The following GLI3 variants were observed in gnomAD, a reference collection of about 807,000 sequenced individuals.
GLI3 encodes transcription activator GLI3.
Under a neutral mutation model 100.8 loss-of-function variants are expected in GLI3, and 20 were observed. The ratio of observed to expected loss-of-function variants is 0.20; its 90% CI spans 0.14 to 0.29. GLI3 has a LOEUF of 0.29. GLI3 is among the 10% of genes least tolerant of loss of function. The probability of loss-of-function intolerance (pLI) is 1.00; values close to 1 mark genes in which losing one functional copy is unlikely to be tolerated. For missense variants in GLI3, 2,040 were observed against 2,128.5 expected (o/e 0.96, Z 0.82); for synonymous variants, 938 against 860.5 (o/e 1.09, Z -1.58).
Position 42,048,583 on chromosome 7 carries a change from T to C in GLI3, c.587A>G (p.Tyr196Cys), listed in dbSNP as rs1243813680. Reference sequence around the variant, plus strand: ...GATATAGTCCATGTAGGGATTAATGTAGGGATGTGGAGGGCTGAAGGGAGA... The same window carrying C: ...GATATAGTCCATGTAGGGATTAATGCAGGGATGTGGAGGGCTGAAGGGAGA... ...SESPFSPPHP[Y>C]INPYMDYIRS... Residue 196 changes from tyrosine (Y) to cysteine (C), a missense_variant, in exon 5 of 15, where the codon TAC (tyrosine) becomes TGC (cysteine). Tyr to Cys is a radical substitution (Grantham distance 194). Transcript: ENST00000395925. The C allele has an allele frequency of 1.9e-6, 3 of 1,611,600 alleles. No individual in the cohort carries two copies. Among genetic ancestry groups the C allele is most frequent in the South Asian group, 2.2e-5 (2 of 90,912 alleles).
chr7:41,977,537 A>G lies in GLI3; in HGVS notation c.1812+21T>C, dbSNP rs1271864422. On this transcript the variant is annotated intron_variant, in intron 12 of 14. Transcript: ENST00000395925. ...TTCTTTGTTTCCTTATGCAAGCTCC[A>G]TGCCCACTGAGGATGCTTACCTCAT... is the stretch of plus-strand genomic sequence containing the variant. 2.5e-6 allele frequency: 4 copies of G among 1,612,152 alleles called. No individual in the cohort carries two copies. The East Asian group carries it at 6.7e-5, about 27-fold the overall frequency.
At chr7:41,969,129 T>C (rs1272896786) in intron 13 of GLI3, among the ~76,000 whole-genome samples, 1 of 152,186 alleles carries the variant, frequency 6.6e-6, no homozygotes, top group African/African-American at 2.4e-5. Context: ...GGTGTCCTGG[T>C]TGATAAACAG....
chr7:42,241,333 C>T (rs2128708932), upstream of GLI3, among the ~76,000 whole-genome samples: 1 of 152,278 alleles, frequency 6.6e-6, no homozygotes, highest in East Asian at 1.9e-4. Context: ...CCGATATTCC[C>T]CTTGGCCAGG....
intron 3 of GLI3, among the ~76,000 whole-genome samples, chr7:42,136,535 T>A (rs1452696564): frequency 6.6e-6 from 1 of 152,158 alleles, no homozygotes; most frequent in Non-Finnish European, 1.5e-5. Context: ...AACTCTTACA[T>A]CCTCCAAAAC....
rs7803340 is a variant in GLI3 at position 42,256,267 on chromosome 7, A to G, written c.-43+7727T>C. On this transcript the variant is annotated intron_variant, in intron 1 of 2. Transcript: ENST00000678978. The stretch of plus-strand genomic sequence containing the variant: ...CCTTGTCTTTTTTATCAGTTGAAGC[A>G]CAAAAGTTTTTAATGTTGATGAAGT... Among the ~76,000 whole-genome samples, 47 of 152,082 alleles carry G rather than the reference A, an allele frequency of 3.1e-4. 1 individual carries two copies. The highest frequency in any genetic ancestry group is 1.0e-3 in the African/African-American group (43 of 41,500).
At chr7:42,145,120 A>G (rs949248280) in intron 3 of GLI3, among the ~76,000 whole-genome samples, 10 of 152,216 alleles carry the variant, frequency 6.6e-5, no homozygotes, top group Non-Finnish European at 1.5e-4. Flanking sequence ...CACATCAATC[A>G]TTAGCTTTGC....
chr7:42,127,759 A>G (rs1786169353), intron 3 of GLI3, among the ~76,000 whole-genome samples: 1 of 152,242 alleles, frequency 6.6e-6, no homozygotes, highest in Non-Finnish European at 1.5e-5. Flanking sequence ...CTGTAATCCC[A>G]GCACTTTGGG....
chr7:42,001,234 C>A (rs141484148), intron 10 of GLI3, among the ~76,000 whole-genome samples: 2 of 65,690 alleles, frequency 3.0e-5, no homozygotes, highest in African/African-American at 1.1e-4. Flanking sequence ...GAGACTATGT[C>A]TCAAAAAAAA....
At chr7:42,248,034 G>A (rs6463097) in intron 1 of GLI3, among the ~76,000 whole-genome samples, 6 of 151,908 alleles carry the variant, frequency 3.9e-5, no homozygotes, top group African/African-American at 1.5e-4. Context: ...TATTTGGATC[G>A]GTATGTCAAT....
intron 10 of GLI3, among the ~76,000 whole-genome samples, chr7:41,991,110 A>G (rs1021033565): frequency 2.6e-5 from 4 of 152,218 alleles, no homozygotes; most frequent in Admixed American, 6.5e-5. Flanking sequence ...GCAAGACAGA[A>G]TAAGACATGT....
upstream of GLI3, among the ~76,000 whole-genome samples, chr7:42,241,880 A>T (rs147603341): frequency 1.5e-3 from 229 of 152,288 alleles, no homozygotes; most frequent in African/African-American, 5.4e-3. Context: ...ACTCGCTCAC[A>T]GCGGGCATGA....
chr7:42,076,883 A>T (rs774368554), intron 3 of GLI3, 26 bp from the exon 4 acceptor site: 1 of 1,350,430 alleles, frequency 7.4e-7, no homozygotes, highest in Admixed American at 1.7e-5. Context: ...AGCCCAATCT[A>T]TATCAAATGA....
intron 10 of GLI3, among the ~76,000 whole-genome samples, chr7:42,006,372 G>C (rs979343232): frequency 1.3e-5 from 2 of 152,162 alleles, no homozygotes; most frequent in African/African-American, 4.8e-5. Context: ...AAGAGGGTGG[G>C]CTGGGAGACA....
chr7:42,182,661 T>C (rs1241980152), intron 2 of GLI3, among the ~76,000 whole-genome samples: 3 of 60,914 alleles, frequency 4.9e-5, no homozygotes, highest in South Asian at 1.1e-3. Context: ...TATATATATA[T>C]ATATATATAT....
chr7:41,964,848 G>A lies in GLI3; in HGVS notation c.4225C>T (p.Leu1409Phe), dbSNP rs556261915. The A allele has an allele frequency of 1.2e-6, 2 of 1,613,928 alleles. No individual in the cohort carries two copies. Among genetic ancestry groups the A allele is most frequent in the East Asian group, 2.2e-5 (1 of 44,882 alleles). The stretch of plus-strand genomic sequence containing the variant: ...CTGCAGGTCTGACTTGTGTCACTGA[G>A]CTGTCCTGACTGCAGAGCAAGGCTG... ...RDSLALQSGQ[L>F]SDTSQTCRVN... Residue 1409 changes from leucine (L) to phenylalanine (F), a missense_variant, in exon 15 of 15, where the codon CTC becomes TTC. Leu to Phe is a conservative substitution (Grantham distance 22). Coordinates refer to ENST00000395925, the MANE Select transcript of GLI3 (RefSeq NM_000168.6).
Position 42,223,315 on chromosome 7 carries a change from C to A in GLI3, c.-42-20G>T. ...AATGCCCTAAAGAAAACAACAGAGCCATCAACTTTCCAAAATGGTGGAAAA... is the reference window on the plus strand; with the variant it reads ...AATGCCCTAAAGAAAACAACAGAGCAATCAACTTTCCAAAATGGTGGAAAA... On this transcript the variant is annotated intron_variant, in intron 1 of 14. Transcript: ENST00000395925. 1 of 1,407,562 alleles carries A rather than the reference C, an allele frequency of 7.1e-7. No homozygotes were observed. Among genetic ancestry groups the A allele is most frequent in the Non-Finnish European group, 9.9e-7 (1 of 1,009,928 alleles). The allele number at this position is 1,407,562 out of a possible 1,614,324, so 87.2% of individuals were successfully genotyped here.
At chr7:41,985,983 C>T (rs945330188) in intron 10 of GLI3, among the ~76,000 whole-genome samples, 1 of 152,164 alleles carries the variant, frequency 6.6e-6, no homozygotes, top group East Asian at 1.9e-4. Context: ...AGGGATCTCC[C>T]TGAGACTTCA....
chr7:42,111,096 T>C (rs899747577), intron 3 of GLI3, among the ~76,000 whole-genome samples: 4 of 152,216 alleles, frequency 2.6e-5, no homozygotes, highest in Non-Finnish European at 5.9e-5. Context: ...TAAAGATTAT[T>C]AAGGACTTAC....
intron 3 of GLI3, among the ~76,000 whole-genome samples, chr7:42,142,932 T>G (rs1472887635): frequency 1.9e-4 from 8 of 42,784 alleles, no homozygotes; most frequent in African/African-American, 8.2e-4. Context: ...AGACTCTGTC[T>G]CCAAAAAAAA....
Sources: allele counts gnomAD v4.1 joint callset (sites outside exome capture counted in the v4.1 genomes callset), GRCh38; gene constraint gnomAD v4.1.1; transcripts MANE v1.5; gene names NCBI Gene and HGNC (gene_info 2026-07-23, HGNC 2026-07-21).